OR2L5: variants seen among roughly 807,000 people sequenced by gnomAD.
The protein encoded by OR2L5 is olfactory receptor 2L5.
For missense variants in OR2L5, 413 were observed against 381.6 expected, an observed-to-expected ratio of 1.08 and a Z score of -0.69; for synonymous variants, 169 against 142.0, an observed-to-expected ratio of 1.19 and a Z score of -1.35.
intron 1 of OR2L5, among the ~76,000 whole-genome samples, chr1:248,021,308 G>C (rs992939441): frequency 4.6e-5 from 7 of 152,080 alleles, no homozygotes; most frequent in South Asian, 2.1e-4. Flanking sequence ...AATTTGGAAA[G>C]ATTAGTCATC....
rs761035113 is a variant in OR2L5 at position 248,022,464 on chromosome 1, A to G, written c.517A>G (p.Ile173Val). ...TATCCCATATTGCAAGTCCAGAGCCATCAATCATTTTTTCTGTGATGTTCC... is the reference window on the plus strand; with the variant it reads ...TATCCCATATTGCAAGTCCAGAGCCGTCAATCATTTTTTCTGTGATGTTCC... ...FRIPYCKSRAINHFFCDVPAM... is the reference protein window; with the variant it reads ...FRIPYCKSRAVNHFFCDVPAM... The change falls in exon 2 of 2, where the codon ATC (isoleucine) becomes GTC (valine). Residue 173 changes from isoleucine to valine, a missense_variant. Ile to Val is a conservative substitution (Grantham distance 29). Coordinates refer to ENST00000355281, the MANE Select transcript of OR2L5 (RefSeq NM_001258284.2). The G allele has an allele frequency of 1.2e-6, 2 of 1,614,222 alleles. No individual in the cohort carries two copies. Among genetic ancestry groups the G allele is most frequent in the African/African-American group, 1.3e-5 (1 of 75,056 alleles).
chr1:248,014,031 T>A (rs1662135453), intron 1 of OR2L5, among the ~76,000 whole-genome samples: 1 of 152,168 alleles, frequency 6.6e-6, no homozygotes, highest in African/African-American at 2.4e-5. Context: ...CAAGTGAAAT[T>A]TAAAAACCCA....
intron 1 of OR2L5, among the ~76,000 whole-genome samples, chr1:248,016,574 T>C (rs1371746432): frequency 6.6e-6 from 1 of 152,128 alleles, no homozygotes; most frequent in East Asian, 1.9e-4. Context: ...ATAATGATTA[T>C]GTATTTCAGT....
intron 1 of OR2L5, among the ~76,000 whole-genome samples, chr1:248,014,704 T>G (rs1357965773): frequency 1.3e-5 from 2 of 152,106 alleles, no homozygotes; most frequent in Non-Finnish European, 2.9e-5. Flanking sequence ...ATGCTGAAAC[T>G]TGTAGATTCT....
chr1:248,020,270 A>G (rs1022550533), intron 1 of OR2L5, among the ~76,000 whole-genome samples: 1 of 152,216 alleles, frequency 6.6e-6, no homozygotes, highest in African/African-American at 2.4e-5. Context: ...CAAATTGGTA[A>G]TGAGGAAGTA....
At chr1:248,017,445 C>T (rs1040320734) in intron 1 of OR2L5, among the ~76,000 whole-genome samples, 4 of 152,142 alleles carry the variant, frequency 2.6e-5, no homozygotes, top group Admixed American at 1.3e-4. Flanking sequence ...CAAGAGATAT[C>T]GTAACGTCAC....
chr1:248,016,536 CTTA>C (rs1369519554), intron 1 of OR2L5, among the ~76,000 whole-genome samples: 2 of 151,880 alleles, frequency 1.3e-5, no homozygotes, highest in Admixed American at 1.3e-4. Flanking sequence ...ATATAAAAAT[CTTA>C]TTATTTCTCA....
intron 1 of OR2L5, among the ~76,000 whole-genome samples, chr1:248,013,949 C>T (rs189158970): frequency 3.6e-4 from 55 of 152,030 alleles, no homozygotes; most frequent in African/African-American, 1.2e-3. Flanking sequence ...ATGTGTTTCC[C>T]GGATTGGAAG....
chr1:248,021,600 A>C (rs1175274178), intron 1 of OR2L5, among the ~76,000 whole-genome samples: 1 of 152,178 alleles, frequency 6.6e-6, no homozygotes, highest in Non-Finnish European at 1.5e-5. Context: ...TTGTCTTCCC[A>C]TGAAGCATTT....
At chr1:248,015,794 T>G (rs184318507) in intron 1 of OR2L5, among the ~76,000 whole-genome samples, 2 of 152,312 alleles carry the variant, frequency 1.3e-5, no homozygotes, top group East Asian at 3.9e-4. Context: ...ATTCACACAT[T>G]TTCTGTGCCT....
rs1046964974 is a variant in OR2L5 at position 248,022,760 on chromosome 1, G to A, written c.813G>A (p.Lys271=). 2.5e-6 allele frequency: 4 copies of A among 1,613,952 alleles called. No homozygotes were observed. Among genetic ancestry groups the A allele is most frequent in the African/African-American group, 1.3e-5 (1 of 74,884 alleles). Reference sequence around the variant, plus strand: ...CCCTGCGATCTCTGACAGAGGACAAGGTTCTGGCTGTTTTCTACACCATCC... The same window carrying A: ...CCCTGCGATCTCTGACAGAGGACAAAGTTCTGGCTGTTTTCTACACCATCC... ...PRSLRSLTED[K]VLAVFYTILT... Residue 271 remains lysine (K), a synonymous_variant, in exon 2 of 2, where the codon AAG becomes AAA. Coordinates refer to ENST00000355281, the MANE Select transcript of OR2L5 (RefSeq NM_001258284.2).
chr1:248,022,190 T>A lies in OR2L5; in HGVS notation c.243T>A (p.Ala81=). 6.2e-7 allele frequency: 1 copy of A among 1,614,084 alleles called. No individual in the cohort carries two copies. The highest frequency in any genetic ancestry group is 8.5e-7 in the Non-Finnish European group (1 of 1,179,960). Residue 81 remains alanine (A), a synonymous_variant, in exon 2 of 2, where the codon GCT becomes GCA. Transcript: ENST00000355281. ...TCTCTACGATTGTTCCTAAGATGGC[T>A]TCTGATTTTCTGTATGGAAACAAGT... The part of the protein sequence containing the change: ...NYISTIVPKM[A]SDFLYGNKSI...
Position 248,022,726 on chromosome 1 carries a change from GTCCAAGA to G in OR2L5, c.783_789del (p.Arg262CysfsTer4), listed in dbSNP as rs1195319706. 24 of 1,613,926 alleles carry G rather than the reference GTCCAAGA, an allele frequency of 1.5e-5. No homozygotes were observed. The highest frequency in any genetic ancestry group is 1.9e-5 in the Non-Finnish European group (23 of 1,180,016). ...GCACCCTTTGCTTATACCTATCTAT[GTCCAAGA>G]TCCCTGCGATCTCTGACAGAGGACA... On this transcript the variant is annotated frameshift_variant, in exon 2 of 2. Transcript: ENST00000355281. LOFTEE classifies it low-confidence loss of function (END_TRUNC).
chr1:248,023,508 C>A lies in OR2L5; in HGVS notation c.*622C>A, dbSNP rs1367908492. On this transcript the variant is annotated 3_prime_UTR_variant, in exon 2 of 2. Transcript: ENST00000355281. ...TTGAATGTGGAGTAGGTTATTTGAACCATTCCCCAGTCACATCACAACACA... is the reference window on the plus strand; with the variant it reads ...TTGAATGTGGAGTAGGTTATTTGAAACATTCCCCAGTCACATCACAACACA... 1.3e-5 allele frequency: 2 copies of A among 152,128 alleles called. No homozygotes were observed. The highest frequency in any genetic ancestry group is 4.8e-5 in the African/African-American group (2 of 41,424). 9.4% of individuals were successfully genotyped at this position (152,128 alleles called of 1,614,324 possible). A position where few individuals can be genotyped will look rare whatever the true frequency, so the allele number is the denominator to read the frequency against.
chr1:248,016,842 A>G (rs1000287973), intron 1 of OR2L5, among the ~76,000 whole-genome samples: 2 of 152,176 alleles, frequency 1.3e-5, no homozygotes, highest in African/African-American at 4.8e-5. Flanking sequence ...TGTGATGTAG[A>G]GAAGTTCACT....
intron 1 of OR2L5, 120 bp from the exon 2 acceptor site, chr1:248,021,807 T>G: frequency 1.8e-6 from 1 of 566,304 alleles, no homozygotes; most frequent in Admixed American, 3.3e-5. Flanking sequence ...ATATAAAAAA[T>G]AGTGTATATA....
At chr1:248,014,936 T>C (rs1387086898) in intron 1 of OR2L5, among the ~76,000 whole-genome samples, 3 of 152,168 alleles carry the variant, frequency 2.0e-5, no homozygotes, top group Non-Finnish European at 2.9e-5. Context: ...AAGCACATCC[T>C]CATCCCAAAA....
intron 1 of OR2L5, 117 bp from the exon 2 acceptor site, chr1:248,021,810 T>A (rs920674204): frequency 6.6e-6 from 4 of 607,202 alleles, no homozygotes; most frequent in Non-Finnish European, 1.2e-5. Context: ...TAAAAAATAG[T>A]GTATATAGGG....
At chr1:248,021,195 T>A (rs1259193077) in intron 1 of OR2L5, among the ~76,000 whole-genome samples, 1 of 152,168 alleles carries the variant, frequency 6.6e-6, no homozygotes, top group African/African-American at 2.4e-5. Flanking sequence ...GTAAGACAGA[T>A]GATTTTTCCT....
Sources: gnomAD v4.1 joint callset for allele counts (sites outside exome capture counted in the v4.1 genomes callset) on GRCh38, gnomAD v4.1.1 for gene constraint, MANE v1.5 for transcripts, NCBI Gene and HGNC (gene_info 2026-07-23, HGNC 2026-07-21) for gene names.